The following MTUS2 variants were observed in gnomAD, a reference collection of about 807,000 sequenced individuals.
The protein encoded by MTUS2 is microtubule-associated tumor suppressor candidate 2.
A neutral mutation model predicts 114.1 loss-of-function variants in MTUS2; 40 were observed. That is an observed-to-expected ratio of 0.35 (90% confidence interval 0.27 to 0.46). The LOEUF (loss-of-function observed/expected upper bound fraction) is 0.46. Among genes scored for constraint, MTUS2 ranks in the 20% least tolerant of loss-of-function variants. The pLI is 1.00. For missense variants in MTUS2, 1,679 were observed against 1,705.4 expected, an observed-to-expected ratio of 0.98 and a Z score of 0.27; for synonymous variants, 688 against 672.0, an observed-to-expected ratio of 1.02 and a Z score of -0.37.
At chr13:29,198,129 A>G (rs182514302) in intron 5 of MTUS2, among the ~76,000 whole-genome samples, 15 of 152,252 alleles carry the variant, frequency 9.9e-5, no homozygotes, top group Admixed American at 7.9e-4. Flanking sequence ...TGTTTTAGTC[A>G]TGAAGTTTTT....
At chr13:29,284,402 T>TAA (rs565944585) in intron 6 of MTUS2, among the ~76,000 whole-genome samples, 17,945 of 148,850 alleles carry the variant, frequency 0.12, 1,299 homozygotes, top group South Asian at 0.3. Context: ...AGCTATTTTT[T>TAA]AAAAAAAAAA....
chr13:28,901,946 C>G (rs1324688186), intron 2 of MTUS2, among the ~76,000 whole-genome samples: 1 of 152,104 alleles, frequency 6.6e-6, no homozygotes, highest in Non-Finnish European at 1.5e-5. Context: ...TAATTGACAT[C>G]TTTACTATGT....
intron 2 of MTUS2, among the ~76,000 whole-genome samples, chr13:28,995,682 C>T (rs770710450): frequency 7.9e-5 from 12 of 152,066 alleles, no homozygotes; most frequent in Non-Finnish European, 1.6e-4. Context: ...GGAGTTCACT[C>T]ATGATTTGGT....
intron 4 of MTUS2, among the ~76,000 whole-genome samples, chr13:29,067,755 G>C (rs1020923555): frequency 3.9e-5 from 6 of 152,132 alleles, no homozygotes; most frequent in African/African-American, 1.2e-4. Flanking sequence ...CCTGTGGAGA[G>C]AAGTTGGTGA....
intron 2 of MTUS2, among the ~76,000 whole-genome samples, chr13:29,017,070 G>C (rs1886096508): frequency 6.6e-6 from 1 of 152,098 alleles, no homozygotes; most frequent in African/African-American, 2.4e-5. Flanking sequence ...TTATTACCAG[G>C]AGACTTTCAG....
intron 2 of MTUS2, among the ~76,000 whole-genome samples, chr13:28,894,864 A>G (rs1367027348): frequency 6.6e-6 from 1 of 152,198 alleles, no homozygotes; most frequent in Non-Finnish European, 1.5e-5. Flanking sequence ...GTGTTTTACT[A>G]GCTTCATGTA....
At chr13:29,266,626 T>A (rs994163522) in intron 5 of MTUS2, among the ~76,000 whole-genome samples, 5 of 152,154 alleles carry the variant, frequency 3.3e-5, no homozygotes, top group Non-Finnish European at 7.3e-5. Context: ...TTATAGATCA[T>A]CCCTAACTTT....
intron 5 of MTUS2, among the ~76,000 whole-genome samples, chr13:29,275,602 A>C (rs912752094): frequency 6.6e-6 from 1 of 152,132 alleles, no homozygotes; most frequent in African/African-American, 2.4e-5. Flanking sequence ...GCTTCCATAG[A>C]TAAGTGAGAA....
intron 2 of MTUS2, among the ~76,000 whole-genome samples, chr13:28,903,677 G>A (rs1282097982): frequency 2.0e-5 from 3 of 151,680 alleles, no homozygotes; most frequent in Non-Finnish European, 4.4e-5. Context: ...TGGACATTTG[G>A]GTTGGTTCCA....
intron 6 of MTUS2, among the ~76,000 whole-genome samples, chr13:29,285,476 A>G (rs1898441490): frequency 6.6e-6 from 1 of 152,242 alleles, no homozygotes; most frequent in Admixed American, 6.5e-5. Flanking sequence ...ACCAGACTTT[A>G]CGAACTGTCC....
intron 2 of MTUS2, among the ~76,000 whole-genome samples, chr13:28,887,280 C>CT (rs1198393654): frequency 1.3e-5 from 2 of 152,136 alleles, no homozygotes; most frequent in Non-Finnish European, 2.9e-5. Context: ...CTCTGGGCAG[C>CT]TTTGACATGG....
chr13:29,334,815 G>C (rs889977458), intron 7 of MTUS2, among the ~76,000 whole-genome samples: 2 of 152,186 alleles, frequency 1.3e-5, no homozygotes, highest in Non-Finnish European at 2.9e-5. Context: ...AACATAAATT[G>C]TGAAGATTTC....
In MTUS2 at chr13:29,043,653, T is replaced by A. The variant is rs557999214; in HGVS notation, c.2446+9528T>A. Among the ~76,000 whole-genome samples, 216 of 151,796 alleles carry A rather than the reference T, an allele frequency of 1.4e-3. 1 individual carries two copies. Among genetic ancestry groups the A allele is most frequent in the African/African-American group, 5.0e-3 (207 of 41,462 alleles). Reference sequence around the variant, plus strand: ...GAGATATATATATATATATTTAGGGTTGTGATATTTTCCTGTTGGACTAGT... The same window carrying A: ...GAGATATATATATATATATTTAGGGATGTGATATTTTCCTGTTGGACTAGT... On this transcript the variant is annotated intron_variant, in intron 4 of 15. Coordinates refer to ENST00000612955, the MANE Select transcript of MTUS2 (RefSeq NM_001033602.4).
At chr13:29,167,520 A>G (rs1355989705) in intron 5 of MTUS2, among the ~76,000 whole-genome samples, 1 of 152,122 alleles carries the variant, frequency 6.6e-6, no homozygotes, top group Non-Finnish European at 1.5e-5. Context: ...TTGAAAACTA[A>G]GAACATCTTG....
intron 5 of MTUS2, among the ~76,000 whole-genome samples, chr13:29,110,098 C>A (rs188792528): frequency 6.6e-6 from 1 of 152,192 alleles, no homozygotes; most frequent in Non-Finnish European, 1.5e-5. Context: ...AAGGCTATGG[C>A]GTGCCTTCAG....
At chr13:28,828,476 G>A (rs112497656) in intron 1 of MTUS2, among the ~76,000 whole-genome samples, 37 of 152,236 alleles carry the variant, frequency 2.4e-4, no homozygotes, top group African/African-American at 7.5e-4. Context: ...AGTGATAAAT[G>A]GCCATGAAAT....
At chr13:29,190,846 T>A (rs1482884246) in intron 5 of MTUS2, among the ~76,000 whole-genome samples, 1 of 152,196 alleles carries the variant, frequency 6.6e-6, no homozygotes, top group East Asian at 1.9e-4. Flanking sequence ...CCAGTTGACC[T>A]GACGTTCACT....
At chr13:28,986,009 G>A (rs1570309) in intron 2 of MTUS2, among the ~76,000 whole-genome samples, 123,384 of 152,096 alleles carry the variant, frequency 0.81, 51,438 homozygotes, top group East Asian at 1. Flanking sequence ...TTTCTCTCGA[G>A]CTCTGATGAA....
intron 8 of MTUS2, among the ~76,000 whole-genome samples, chr13:29,386,941 G>T (rs1458136775): frequency 6.6e-6 from 1 of 152,182 alleles, no homozygotes; most frequent in Non-Finnish European, 1.5e-5. Context: ...CTCGCTATTT[G>T]TGTCTGGGTA....
Sources: gnomAD v4.1 joint callset for allele counts (sites outside exome capture counted in the v4.1 genomes callset) on GRCh38, gnomAD v4.1.1 for gene constraint, MANE v1.5 for transcripts, NCBI Gene and HGNC (gene_info 2026-07-23, HGNC 2026-07-21) for gene names.